DCC: variants seen among roughly 807,000 people sequenced by gnomAD.
DCC encodes the protein DCC netrin 1 receptor.
In DCC, 58 loss-of-function variants were observed where a neutral mutation model predicts 172.5. That is an observed-to-expected ratio of 0.34 (90% CI 0.27 to 0.42). The LOEUF (loss-of-function observed/expected upper bound fraction) is 0.42. DCC is among the 10% of genes least tolerant of loss of function. DCC has a pLI of 1.00. For missense variants in DCC, 1,740 were observed against 1,791.0 expected (o/e 0.97, Z 0.51); for synonymous variants, 709 against 644.5 (o/e 1.10, Z -1.52).
At chr18:53,058,804 C>T (rs147893719) in intron 5 of DCC, among the ~76,000 whole-genome samples, 4 of 151,920 alleles carry the variant, frequency 2.6e-5, no homozygotes, top group Non-Finnish European at 5.9e-5. Flanking sequence ...GCAGAAGAAA[C>T]CAAGTCTTAA....
intron 1 of DCC, among the ~76,000 whole-genome samples, chr18:52,530,360 G>GA (rs1415249345): frequency 6.6e-6 from 1 of 152,072 alleles, no homozygotes; most frequent in East Asian, 1.9e-4. Context: ...AAGTTGGAGG[G>GA]AAAAAAACAT....
chr18:52,850,185 G>T (rs2038954032), intron 2 of DCC, among the ~76,000 whole-genome samples: 3 of 152,172 alleles, frequency 2.0e-5, no homozygotes, highest in Admixed American at 6.5e-5. Flanking sequence ...CAAGGGCAGA[G>T]CTTAAAGGAA....
chr18:53,487,078 C>A, intron 26 of DCC, 120 bp downstream of exon 26: 1 of 1,305,422 alleles, frequency 7.7e-7, no homozygotes, highest in Non-Finnish European at 1.1e-6. Context: ...GACTGTGGTA[C>A]TAGAATGTTC....
intron 1 of DCC, among the ~76,000 whole-genome samples, chr18:52,599,964 C>T (rs552208630): frequency 6.6e-6 from 1 of 152,266 alleles, no homozygotes; most frequent in Non-Finnish European, 1.5e-5. Flanking sequence ...CATGCCATCC[C>T]CTTTCTATGG....
intron 5 of DCC, among the ~76,000 whole-genome samples, chr18:52,947,363 C>T (rs2040564516): frequency 6.6e-6 from 1 of 152,086 alleles, no homozygotes; most frequent in South Asian, 2.1e-4. Flanking sequence ...TTATATTGTC[C>T]AAATCCTGAA....
chr18:53,008,429 T>G (rs1331151534), intron 5 of DCC, among the ~76,000 whole-genome samples: 1 of 152,082 alleles, frequency 6.6e-6, no homozygotes, highest in Non-Finnish European at 1.5e-5. Flanking sequence ...TTCTGTCTGG[T>G]AGAATTTATC....
chr18:52,375,731 A>T (rs967360755), intron 1 of DCC, among the ~76,000 whole-genome samples: 1 of 152,200 alleles, frequency 6.6e-6, no homozygotes, highest in Non-Finnish European at 1.5e-5. Flanking sequence ...GGATAATATT[A>T]TACAAAGCAG....
chr18:53,095,442 A>T (rs2043072395), intron 7 of DCC, among the ~76,000 whole-genome samples: 1 of 152,210 alleles, frequency 6.6e-6, no homozygotes. Context: ...TTAGCATCCA[A>T]TTGCTGCTGT....
At chr18:52,383,152 A>T (rs1259899363) in intron 1 of DCC, among the ~76,000 whole-genome samples, 1 of 152,118 alleles carries the variant, frequency 6.6e-6, no homozygotes. Flanking sequence ...CAAAGACAAA[A>T]TTCTTGAGTT....
At chr18:52,509,388 A>G (rs867429137) in intron 1 of DCC, among the ~76,000 whole-genome samples, 1 of 152,296 alleles carries the variant, frequency 6.6e-6, no homozygotes, top group African/African-American at 2.4e-5. Context: ...CAAAATTTAA[A>G]AGTACCTCTG....
chr18:52,731,785 T>C (rs2036646377), intron 1 of DCC, among the ~76,000 whole-genome samples: 1 of 152,194 alleles, frequency 6.6e-6, no homozygotes, highest in Admixed American at 6.5e-5. Context: ...TCCTAATATA[T>C]TAATATATAA....
intron 1 of DCC, among the ~76,000 whole-genome samples, chr18:52,640,313 C>T (rs2034865544): frequency 6.6e-6 from 1 of 152,022 alleles, no homozygotes; most frequent in Non-Finnish European, 1.5e-5. Flanking sequence ...ACAAGGATAC[C>T]CACTCTCATG....
At position 53,335,498 on chromosome 18, in the gene DCC, G is replaced by T. The variant is rs150500878; in HGVS notation, c.2165-4215G>T. On this transcript the variant is annotated intron_variant, in intron 14 of 28. Transcript: ENST00000442544. ...GAACATTACACATTAGTGGAAACCT[G>T]TGTAACATGTCTGCATTCATGTTAC... 8.4e-3 allele frequency among the ~76,000 whole-genome samples: 1,281 copies of T among 152,216 alleles called. 15 individuals carry two copies. The highest frequency in any genetic ancestry group is 0.011 in the Admixed American group (168 of 15,268).
chr18:53,087,171 C>T (rs1209367089), intron 7 of DCC, among the ~76,000 whole-genome samples: 8 of 152,228 alleles, frequency 5.3e-5, no homozygotes, highest in Admixed American at 1.3e-4. Context: ...CATGAAGAAT[C>T]GCCACACTGA....
chr18:53,328,750 G>T (rs1364997898), intron 14 of DCC, among the ~76,000 whole-genome samples: 1 of 152,070 alleles, frequency 6.6e-6, no homozygotes, highest in African/African-American at 2.4e-5. Flanking sequence ...GGCCAGGCTG[G>T]TCTTGAACTC....
At chr18:52,713,822 GC>G (rs2036335393) in intron 1 of DCC, among the ~76,000 whole-genome samples, 1 of 152,174 alleles carries the variant, frequency 6.6e-6, no homozygotes, top group African/African-American at 2.4e-5. Flanking sequence ...ATACAGGGAA[GC>G]ACTTGGTTCT....
At chr18:52,525,272 G>A (rs1023758915) in intron 1 of DCC, among the ~76,000 whole-genome samples, 8 of 152,032 alleles carry the variant, frequency 5.3e-5, no homozygotes, top group African/African-American at 1.9e-4. Flanking sequence ...TTGGTAGGTT[G>A]CTTTACGTTT....
chr18:53,514,731 C>T (rs2046311695), intron 27 of DCC, among the ~76,000 whole-genome samples: 2 of 152,154 alleles, frequency 1.3e-5, no homozygotes, highest in South Asian at 4.1e-4. Context: ...CACATACACT[C>T]TCCCAAGACT....
At chr18:52,388,666 G>A (rs1008778912) in intron 1 of DCC, among the ~76,000 whole-genome samples, 5 of 152,012 alleles carry the variant, frequency 3.3e-5, no homozygotes, top group African/African-American at 1.2e-4. Flanking sequence ...AGGTAAACTG[G>A]AGAGAGAAGG....
Sources: gnomAD v4.1 joint callset for allele counts (sites outside exome capture counted in the v4.1 genomes callset) on GRCh38, gnomAD v4.1.1 for gene constraint, MANE v1.5 for transcripts, NCBI Gene and HGNC (gene_info 2026-07-23, HGNC 2026-07-21) for gene names.